The following RIMS3 variants were observed in gnomAD, a reference collection of about 807,000 sequenced individuals.
RIMS3 encodes the protein regulating synaptic membrane exocytosis protein 3.
A neutral mutation model predicts 29.2 loss-of-function variants in RIMS3; 15 were observed. The ratio of observed to expected loss-of-function variants is 0.51; its 90% CI spans 0.34 to 0.79. RIMS3 has a LOEUF of 0.79. Ranked by LOEUF, RIMS3 falls within the 30% of genes least tolerant of loss-of-function variation. The pLI is 0.01. For synonymous variants in RIMS3, 161 were observed against 170.1 expected (o/e 0.95, Z 0.41); for missense variants, 342 against 421.4 (o/e 0.81, Z 1.65).
chr1:40,647,055 A>G (rs1368405289), intron 2 of RIMS3, among the ~76,000 whole-genome samples: 2 of 151,860 alleles, frequency 1.3e-5, no homozygotes, highest in Non-Finnish European at 2.9e-5. Flanking sequence ...TAATTTTTGT[A>G]TTTTTAGTAG....
At chr1:40,675,095 C>T in the RIMS3 span, among the ~76,000 whole-genome samples, 5 of 151,576 alleles carry the variant, frequency 3.3e-5, no homozygotes, top group African/African-American at 4.8e-5. Context: ...TTTGTCTCTA[C>T]GAAAGGAAAA....
In RIMS3 at chr1:40,633,139, G is replaced by A. The variant is rs748737065; in HGVS notation, c.402C>T (p.Phe134=). ...PTTRLGAESQ[F]SDFLDGLGPA... ...GTCCCAGCCCATCCAGGAAATCGCT[G>A]AACTGGCTTTCAGCCCCTAGCCGGG... Residue 134 remains phenylalanine, a synonymous_variant, in exon 5 of 8, where the codon TTC becomes TTT. Coordinates refer to ENST00000372684, the MANE Select transcript of RIMS3 (RefSeq NM_014747.3). 8.1e-6 allele frequency: 13 copies of A among 1,614,150 alleles called. No homozygotes were observed. Among genetic ancestry groups the A allele is most frequent in the Non-Finnish European group, 1.1e-5 (13 of 1,179,988 alleles).
intron 1 of RIMS3, among the ~76,000 whole-genome samples, chr1:40,663,150 T>C (rs1642375200): frequency 6.6e-6 from 1 of 152,072 alleles, no homozygotes; most frequent in African/African-American, 2.4e-5. Context: ...GTCAACAAAA[T>C]GCCAGTGTGG....
chr1:40,684,975 G>A, the RIMS3 span, among the ~76,000 whole-genome samples: 3 of 152,276 alleles, frequency 2.0e-5, no homozygotes, highest in Non-Finnish European at 2.9e-5. Flanking sequence ...ATGGCCTCAA[G>A]CAACAGAACT....
chr1:40,688,266 G>A, the RIMS3 span, among the ~76,000 whole-genome samples: 18 of 152,130 alleles, frequency 1.2e-4, no homozygotes, highest in South Asian at 6.2e-4. Flanking sequence ...CCTGGCCAGC[G>A]CTGCTTTTCT....
At chr1:40,645,885 G>A (rs78723022) in intron 2 of RIMS3, among the ~76,000 whole-genome samples, 1 of 152,324 alleles carries the variant, frequency 6.6e-6, no homozygotes, top group East Asian at 1.9e-4. Flanking sequence ...GGATCAACCA[G>A]GGGGGCTGGA....
chr1:40,668,704 A>G (rs773548405), upstream of RIMS3, among the ~76,000 whole-genome samples: 21 of 152,314 alleles, frequency 1.4e-4, no homozygotes, highest in African/African-American at 2.4e-4. Context: ...TGAAACCTAG[A>G]AGCCATAAGA....
chr1:40,638,418 T>A (rs917097095), intron 3 of RIMS3, among the ~76,000 whole-genome samples: 9 of 152,206 alleles, frequency 5.9e-5, no homozygotes, highest in African/African-American at 2.2e-4. Flanking sequence ...ATTTAAGGAA[T>A]AACTTTATAT....
At chr1:40,658,486 T>C (rs1642303075) in intron 1 of RIMS3, among the ~76,000 whole-genome samples, 1 of 152,206 alleles carries the variant, frequency 6.6e-6, no homozygotes, top group Non-Finnish European at 1.5e-5. Flanking sequence ...AAGATCCCCC[T>C]TCTCTGAGCG....
At chr1:40,681,163 A>C in the RIMS3 span, among the ~76,000 whole-genome samples, 1 of 152,078 alleles carries the variant, frequency 6.6e-6, no homozygotes, top group Admixed American at 6.6e-5. Context: ...ACAAATAAAA[A>C]CTTCCTCCTT....
At chr1:40,661,586 C>T (rs984481476) in intron 1 of RIMS3, among the ~76,000 whole-genome samples, 3 of 152,218 alleles carry the variant, frequency 2.0e-5, no homozygotes, top group Non-Finnish European at 4.4e-5. Flanking sequence ...CCCCAGCCAG[C>T]CCTGGGCCCG....
the RIMS3 span, among the ~76,000 whole-genome samples, chr1:40,680,033 G>T: frequency 6.6e-6 from 1 of 151,964 alleles, no homozygotes; most frequent in African/African-American, 2.4e-5. Context: ...AGTGGCTCAG[G>T]CCTGTAATCC....
Position 40,633,199 on chromosome 1 carries a change from G to C in RIMS3, c.360-18C>G, listed in dbSNP as rs760580377. 66 of 1,604,816 alleles carry C rather than the reference G, an allele frequency of 4.1e-5. No individual in the cohort carries two copies. Among genetic ancestry groups the C allele is most frequent in the Non-Finnish European group, 5.5e-5 (65 of 1,171,856 alleles). On this transcript the variant is annotated intron_variant, in intron 4 of 7. Coordinates refer to ENST00000372684, the MANE Select transcript of RIMS3 (RefSeq NM_014747.3). ...AGATGAACCTGCAGGAGGAGGCAGA[G>C]GGACGCGTGAGGGGGTCAGGGCAAC...
chr1:40,632,334 T>C (rs561033869), intron 5 of RIMS3, among the ~76,000 whole-genome samples: 1 of 151,294 alleles, frequency 6.6e-6, no homozygotes, highest in Admixed American at 6.6e-5. Flanking sequence ...GATATTGGCA[T>C]TGCAGATCAA....
chr1:40,633,436 T>G (rs1441814417), intron 4 of RIMS3, among the ~76,000 whole-genome samples: 1 of 152,272 alleles, frequency 6.6e-6, no homozygotes, highest in Non-Finnish European at 1.5e-5. Flanking sequence ...TGCTATTTAA[T>G]CCTTAATGTC....
At chr1:40,662,138 C>T (rs139091098) in intron 1 of RIMS3, among the ~76,000 whole-genome samples, 2 of 152,288 alleles carry the variant, frequency 1.3e-5, no homozygotes, top group East Asian at 1.9e-4. Context: ...TTAGGGGTTG[C>T]CATTGGCCTG....
intron 5 of RIMS3, among the ~76,000 whole-genome samples, chr1:40,630,017 G>C (rs890683336): frequency 6.6e-6 from 1 of 151,112 alleles, no homozygotes; most frequent in Non-Finnish European, 1.5e-5. Context: ...GGTTGTAGTG[G>C]GCCAAGATTG....
chr1:40,656,027 CAA>C (rs1642267860), intron 1 of RIMS3, among the ~76,000 whole-genome samples: 1 of 152,084 alleles, frequency 6.6e-6, no homozygotes, highest in African/African-American at 2.4e-5. Flanking sequence ...AACAAACAAA[CAA>C]AACAAATCTA....
At chr1:40,631,306 T>C (rs1646487881) in intron 5 of RIMS3, among the ~76,000 whole-genome samples, 1 of 152,150 alleles carries the variant, frequency 6.6e-6, no homozygotes, top group Non-Finnish European at 1.5e-5. Flanking sequence ...GGACCAAGCG[T>C]AGGCTTCAGG....
Sources: allele counts gnomAD v4.1 joint callset (sites outside exome capture counted in the v4.1 genomes callset), GRCh38; gene constraint gnomAD v4.1.1; transcripts MANE v1.5; gene names NCBI Gene and HGNC (gene_info 2026-07-23, HGNC 2026-07-21).